ETF1: variants seen among roughly 807,000 people sequenced by gnomAD.
ETF1 encodes the protein eukaryotic peptide chain release factor subunit 1.
ETF1 carries 4 observed loss-of-function variants against 55.1 expected under a neutral mutation model. The ratio of observed to expected loss-of-function variants is 0.07; its 90% CI spans 0.04 to 0.17. The LOEUF is 0.17. Ranked by LOEUF, ETF1 falls within the 10% of genes least tolerant of loss-of-function variation. ETF1 has a pLI of 1.00. For synonymous variants in ETF1, 157 were observed against 182.3 expected (o/e 0.86, Z 1.12); for missense variants, 142 against 523.6 (o/e 0.27, Z 7.11).
chr5:138,512,244 ATATATATATATATATTTTTT>A (rs1290071280), intron 6 of ETF1, among the ~76,000 whole-genome samples: 3 of 7,294 alleles, frequency 4.1e-4, no homozygotes, highest in African/African-American at 1.0e-3. Flanking sequence ...ATATATATAT[ATATATATATATATATTTTTT>A]TTTTTTTTTA....
chr5:138,513,510 A>G (rs1363252665), intron 5 of ETF1, 58 bp downstream of exon 5: 2 of 1,430,038 alleles, frequency 1.4e-6, no homozygotes, highest in Non-Finnish European at 2.0e-6. Flanking sequence ...GGCCCACCAT[A>G]CTGTTTTCTT....
Position 138,508,128 on chromosome 5 carries a change from G to A in ETF1, c.*177C>T. 1.3e-6 allele frequency: 1 copy of A among 755,362 alleles called. No individual in the cohort carries two copies. Among genetic ancestry groups the A allele is most frequent in the Non-Finnish European group, 2.0e-6 (1 of 491,122 alleles). The allele number at this position is 755,362 out of a possible 1,614,324, so 46.8% of individuals were successfully genotyped here. On this transcript the variant is annotated 3_prime_UTR_variant, in exon 11 of 11. Coordinates refer to ENST00000360541, the MANE Select transcript of ETF1 (RefSeq NM_004730.4). ...TGCGCTGACACCATGACAAACCAAAGTGTAGGGCTGGGTCTGGTTTTGTTT... is the reference window on the plus strand; with the variant it reads ...TGCGCTGACACCATGACAAACCAAAATGTAGGGCTGGGTCTGGTTTTGTTT...
chr5:138,542,564 G>T (rs1275222721), intron 2 of ETF1: 1 of 1,307,444 alleles, frequency 7.6e-7, no homozygotes. Context: ...CCCGGGAGAG[G>T]TGCAAAAGTA....
At chr5:138,513,381 G>A (rs192390604) in intron 5 of ETF1, 187 bp downstream of exon 5, 13 of 297,074 alleles carry the variant, frequency 4.4e-5, no homozygotes, top group African/African-American at 2.3e-4. Context: ...ACAGGCGCCC[G>A]TCACATTTTT....
rs1321170051 is a variant in ETF1, at chr5:138,510,547, A to C, written c.1083+18T>G. Reference sequence around the variant, plus strand: ...TTACGCTTGCACGTATCATCAAACCAAGAAAATAATCACATACCTCTTTGT... The same window carrying C: ...TTACGCTTGCACGTATCATCAAACCCAGAAAATAATCACATACCTCTTTGT... On this transcript the variant is annotated intron_variant, in intron 9 of 10. Coordinates refer to ENST00000360541, the MANE Select transcript of ETF1 (RefSeq NM_004730.4). The C allele has an allele frequency of 1.9e-6, 3 of 1,592,204 alleles. No individual in the cohort carries two copies.
At chr5:138,510,357 C>CAAAAAA (rs57906231) in intron 9 of ETF1, among the ~76,000 whole-genome samples, 5 of 64,804 alleles carry the variant, frequency 7.7e-5, no homozygotes, top group African/African-American at 3.0e-4. Flanking sequence ...GACCTTGTCT[C>CAAAAAA]AAAAAAAAAA....
intron 2 of ETF1, among the ~76,000 whole-genome samples, chr5:138,527,694 G>A (rs1424817515): frequency 6.6e-6 from 1 of 152,060 alleles, no homozygotes; most frequent in African/African-American, 2.4e-5. Context: ...AAACACTTGA[G>A]TACCAATTTT....
chr5:138,542,253 G>C (rs948635326), intron 2 of ETF1, among the ~76,000 whole-genome samples: 1 of 152,298 alleles, frequency 6.6e-6, no homozygotes, highest in East Asian at 1.9e-4. Context: ...GGAAGCTCCG[G>C]GGTAATTAGA....
chr5:138,535,670 G>A lies in ETF1; in HGVS notation c.86+7163C>T, dbSNP rs189950172. Among the ~76,000 whole-genome samples, 569 of 146,288 alleles carry A rather than the reference G, an allele frequency of 3.9e-3. 4 individuals carry two copies. Among genetic ancestry groups the A allele is most frequent in the Non-Finnish European group, 4.9e-3 (324 of 66,762 alleles). On this transcript the variant is annotated intron_variant, in intron 2 of 10. Transcript: ENST00000360541. ...TGGGAGGTGGAGGTTGCAGTGAGCT[G>A]AGATCACGCCACTGCACTCCAGCCT...
At chr5:138,522,575 T>A (rs1765276356) in intron 2 of ETF1, among the ~76,000 whole-genome samples, 1 of 148,822 alleles carries the variant, frequency 6.7e-6, no homozygotes, top group African/African-American at 2.5e-5. Context: ...GCATTATTCA[T>A]AATAGTAAAA....
At position 138,511,460 on chromosome 5, in the gene ETF1, G is replaced by A; in HGVS notation, c.862+15C>T. On this transcript the variant is annotated intron_variant, in intron 7 of 10. Transcript: ENST00000360541. ...AAAACATTTCACAGAATAAGTAGTTGCATTTCACCGATACCTATTAATTTC... is the reference window on the plus strand; with the variant it reads ...AAAACATTTCACAGAATAAGTAGTTACATTTCACCGATACCTATTAATTTC... 6.2e-7 allele frequency: 1 copy of A among 1,611,496 alleles called. No individual in the cohort carries two copies. Among genetic ancestry groups the A allele is most frequent in the South Asian group, 1.1e-5 (1 of 90,914 alleles).
chr5:138,516,202 A>G (rs1170986256), intron 4 of ETF1, among the ~76,000 whole-genome samples: 1 of 152,222 alleles, frequency 6.6e-6, no homozygotes, highest in Non-Finnish European at 1.5e-5. Flanking sequence ...TTATGTGAAA[A>G]CTGAGTGCAA....
In ETF1 at chr5:138,508,113, C is replaced by G. The variant is rs1469517536; in HGVS notation, c.*192G>C. On this transcript the variant is annotated 3_prime_UTR_variant, in exon 11 of 11. Coordinates refer to ENST00000360541, the MANE Select transcript of ETF1 (RefSeq NM_004730.4). ...TTAGTTGTAGGCTGCTGCGCTGACA[C>G]CATGACAAACCAAAGTGTAGGGCTG... is the stretch of plus-strand genomic sequence containing the variant. The G allele has an allele frequency of 3.2e-6, 2 of 630,572 alleles. No individual in the cohort carries two copies. Among genetic ancestry groups the G allele is most frequent in the South Asian group, 2.5e-5 (1 of 39,792 alleles). 39.1% of individuals were successfully genotyped at this position (630,572 alleles called of 1,614,324 possible).
intron 4 of ETF1, among the ~76,000 whole-genome samples, chr5:138,514,281 T>C (rs972912291): frequency 6.6e-6 from 1 of 152,200 alleles, no homozygotes; most frequent in Non-Finnish European, 1.5e-5. Flanking sequence ...AAGCTGGGTA[T>C]GATGGCTCAC....
intron 2 of ETF1, chr5:138,542,553 G>T (rs1435681090): frequency 1.6e-6 from 2 of 1,235,176 alleles, no homozygotes; most frequent in African/African-American, 1.6e-5. Context: ...GGACTTAAGG[G>T]CCCGGGAGAG....
chr5:138,518,902 A>G lies in ETF1; in HGVS notation c.87-35T>C, dbSNP rs569240057. 21 of 1,604,856 alleles carry G rather than the reference A, an allele frequency of 1.3e-5. No homozygotes were observed. The African/African-American group carries it at 2.4e-4, about 18-fold the overall frequency. ...AAAGAATAACTCATTAGGGATTTAA[A>G]TATCATGTAAGTAAACTCATGTTTC... On this transcript the variant is annotated intron_variant, in intron 2 of 10. Transcript: ENST00000360541.
chr5:138,517,488 G>T, intron 4 of ETF1, 73 bp downstream of exon 4: 1 of 825,568 alleles, frequency 1.2e-6, no homozygotes, highest in Non-Finnish European at 1.8e-6. Context: ...TGGGAGGGAT[G>T]GGGGACTGAC....
rs2127057583 is a variant in ETF1 at position 138,507,734 on chromosome 5, GCCT to G, written c.*568_*570del. Reference sequence around the variant, plus strand: ...AGCGTGAGGGAGTGAAGTTGAAAGTGCCTCCTATTAGCTCACCCTTTCAACATT... The same window carrying G: ...AGCGTGAGGGAGTGAAGTTGAAAGTGCCTATTAGCTCACCCTTTCAACATT... On this transcript the variant is annotated 3_prime_UTR_variant, in exon 11 of 11. Transcript: ENST00000360541. 1 of 152,874 alleles carries G rather than the reference GCCT, an allele frequency of 6.5e-6. No individual in the cohort carries two copies. Among genetic ancestry groups the G allele is most frequent in the South Asian group, 2.1e-4 (1 of 4,824 alleles). 9.5% of individuals were successfully genotyped at this position (152,874 alleles called of 1,614,324 possible). A position where few individuals can be genotyped will look rare whatever the true frequency, so the allele number is the denominator to read the frequency against.
intron 2 of ETF1, among the ~76,000 whole-genome samples, chr5:138,539,317 C>G (rs1417912521): frequency 6.6e-6 from 1 of 152,180 alleles, no homozygotes; most frequent in Non-Finnish European, 1.5e-5. Context: ...CACCTCTTGC[C>G]TGCTCAGAAA....
Sources: gnomAD v4.1 joint callset for allele counts (sites outside exome capture counted in the v4.1 genomes callset) on GRCh38, gnomAD v4.1.1 for gene constraint, MANE v1.5 for transcripts, NCBI Gene and HGNC (gene_info 2026-07-23, HGNC 2026-07-21) for gene names.